Variants in FRMPD4 observed in about 807,000 individuals in gnomAD.
FRMPD4 encodes the protein FERM and PDZ domain containing 4, also known as FERM and PDZ domain-containing protein 4.
In FRMPD4, 22 loss-of-function variants were observed where a neutral mutation model predicts 94.1. The observed-to-expected ratio is 0.23, with a 90% CI of 0.17 to 0.33. FRMPD4 has a LOEUF of 0.33. FRMPD4 is among the 10% of genes least tolerant of loss of function. The pLI, the probability that FRMPD4 is intolerant of heterozygous loss-of-function variation, is 1.00. For synonymous variants in FRMPD4, 631 were observed against 548.6 expected, an observed-to-expected ratio of 1.15 and a Z score of -2.10; for missense variants, 1,111 against 1,339.9, an observed-to-expected ratio of 0.83 and a Z score of 2.67.
At position 12,722,780 on chromosome X, in the gene FRMPD4, A is replaced by T. The variant is rs182141680; in HGVS notation, c.*922A>T. The T allele has an allele frequency of 8.9e-6, 1 of 112,101 alleles. No individual in the cohort carries two copies. Among genetic ancestry groups the T allele is most frequent in the East Asian group, 2.8e-4 (1 of 3,591 alleles). 9.2% of individuals were successfully genotyped at this position (112,101 alleles called of 1,213,427 possible). On this transcript the variant is annotated 3_prime_UTR_variant, in exon 17 of 17. Transcript: ENST00000675598. ...AAAATTCCCTTTAGAGTGATAGGAC[A>T]TTTAGTAAAGTATTTGCAAACTTAA...
At chrX:12,084,719 A>G (rs2055093057) in intron 3 of FRMPD4, among the ~76,000 whole-genome samples, 2 of 112,383 alleles carry the variant, frequency 1.8e-5, no homozygotes, top group Admixed American at 9.4e-5. Flanking sequence ...GCATCTTCTT[A>G]CATAGGAAAA....
chrX:12,532,836 G>T (rs920045475), intron 2 of FRMPD4, among the ~76,000 whole-genome samples: 1 of 111,809 alleles, frequency 8.9e-6, no homozygotes, highest in African/African-American at 3.3e-5. Flanking sequence ...GCAGTACACA[G>T]GACAGCTTTT....
chrX:11,997,417 CACTT>C (rs2054502312), intron 3 of FRMPD4, among the ~76,000 whole-genome samples: 1 of 111,876 alleles, frequency 8.9e-6, no homozygotes, highest in African/African-American at 3.2e-5. Flanking sequence ...AAGTATTAGT[CACTT>C]ACTGCTGTGG....
intron 3 of FRMPD4, among the ~76,000 whole-genome samples, chrX:11,929,170 G>A (rs767061610): frequency 4.5e-5 from 5 of 111,792 alleles, no homozygotes; most frequent in Non-Finnish European, 9.4e-5. Context: ...TTAATACCTG[G>A]GTGATGGAAT....
chrX:11,878,021 G>A (rs1374020414), intron 3 of FRMPD4, among the ~76,000 whole-genome samples: 2 of 111,948 alleles, frequency 1.8e-5, no homozygotes, highest in Non-Finnish European at 3.8e-5. Context: ...ATTTGCCAGT[G>A]AGTAATGGTC....
At chrX:11,934,105 A>T (rs192326935) in intron 3 of FRMPD4, among the ~76,000 whole-genome samples, 4 of 112,401 alleles carry the variant, frequency 3.6e-5, no homozygotes, top group Non-Finnish European at 5.6e-5. Context: ...CTCAGTTCAA[A>T]TAATTCCAAG....
intron 3 of FRMPD4, among the ~76,000 whole-genome samples, chrX:12,613,249 T>G (rs1007007890): frequency 2.4e-4 from 27 of 111,970 alleles, no homozygotes; most frequent in Non-Finnish European, 3.2e-4. Context: ...TAAATATAGA[T>G]GTATGCTTCA....
rs1325953280 is a variant in FRMPD4 at position 12,659,526 on chromosome X, T to C, written c.423-15337T>C. On this transcript the variant is annotated intron_variant, in intron 4 of 16. Coordinates refer to ENST00000675598, the MANE Select transcript of FRMPD4 (RefSeq NM_001368397.1). ...GTGTTGTAGGATGTTTTGCAGCAACTATGGGTTCTACCCATTAGCACTTCT... is the reference window on the plus strand; with the variant it reads ...GTGTTGTAGGATGTTTTGCAGCAACCATGGGTTCTACCCATTAGCACTTCT... Among the ~76,000 whole-genome samples the C allele has an allele frequency of 2.7e-5, 3 of 112,565 alleles. No individual in the cohort carries two copies. The Admixed American group carries it at 2.8e-4, about 11-fold the overall frequency.
chrX:11,969,083 G>T (rs1416863326), intron 3 of FRMPD4, among the ~76,000 whole-genome samples: 1 of 112,493 alleles, frequency 8.9e-6, no homozygotes, highest in Non-Finnish European at 1.9e-5. Flanking sequence ...GGCCATGATT[G>T]GGTACGAGGG....
chrX:12,086,085 GTGTA>G lies in FRMPD4; in HGVS notation c.95+208071_95+208074del, dbSNP rs745615196. Among the ~76,000 whole-genome samples the G allele has an allele frequency of 6.9e-3, 343 of 49,370 alleles. 1 individual carries two copies. Among genetic ancestry groups the G allele is most frequent in the Non-Finnish European group, 7.8e-3 (161 of 20,548 alleles). 42.9% of individuals were successfully genotyped at this position (49,370 alleles called of 115,157 possible). ...TCTGCCTGTGTCTGTGTGCGTGTGT[GTGTA>G]TGTGTGTGTGTGTGTGTGTGTGTGA... On this transcript the variant is annotated intron_variant, in intron 3 of 18. Coordinates refer to the FRMPD4 transcript ENST00000640291.
intron 1 of FRMPD4, among the ~76,000 whole-genome samples, chrX:12,281,310 A>C (rs933121734): frequency 1.2e-4 from 14 of 112,035 alleles, no homozygotes; most frequent in African/African-American, 4.5e-4. Flanking sequence ...CATAATCACC[A>C]TAAGTTATAT....
At chrX:12,675,849 C>G (rs1338314801) in intron 5 of FRMPD4, among the ~76,000 whole-genome samples, 12 of 111,200 alleles carry the variant, frequency 1.1e-4, no homozygotes, top group Non-Finnish European at 2.1e-4. Flanking sequence ...AATTAAAGTG[C>G]TCTGGTATTT....
intron 1 of FRMPD4, among the ~76,000 whole-genome samples, chrX:12,431,471 A>G (rs1324488868): frequency 1.8e-5 from 2 of 112,346 alleles, no homozygotes; most frequent in Admixed American, 1.9e-4. Context: ...TACTTAACAC[A>G]TATCTCATAA....
chrX:12,389,465 A>G (rs1391303385), intron 1 of FRMPD4, among the ~76,000 whole-genome samples: 2 of 97,796 alleles, frequency 2.0e-5, no homozygotes, highest in Admixed American at 1.1e-4. Flanking sequence ...ACAGAAAGAG[A>G]TCCATCTCAA....
At chrX:12,584,366 T>C (rs2058901299) in intron 2 of FRMPD4, among the ~76,000 whole-genome samples, 1 of 111,942 alleles carries the variant, frequency 8.9e-6, no homozygotes, top group African/African-American at 3.3e-5. Flanking sequence ...CCCTCAGCTG[T>C]CCATTATTGA....
At chrX:11,974,964 C>A (rs1385310198) in intron 3 of FRMPD4, among the ~76,000 whole-genome samples, 1 of 111,548 alleles carries the variant, frequency 9.0e-6, no homozygotes, top group Non-Finnish European at 1.9e-5. Flanking sequence ...TATGCTAGGG[C>A]TGAGGAGCAA....
chrX:12,136,936 C>CACACACAA (rs3221615), upstream of FRMPD4, among the ~76,000 whole-genome samples: 1 of 109,237 alleles, frequency 9.2e-6, no homozygotes, highest in Non-Finnish European at 1.9e-5. Flanking sequence ...TACACACACA[C>CACACACAA]AAAACATCTT....
intron 1 of FRMPD4, among the ~76,000 whole-genome samples, chrX:12,381,526 A>G (rs1434807778): frequency 9.0e-6 from 1 of 111,670 alleles, no homozygotes; most frequent in Non-Finnish European, 1.9e-5. Flanking sequence ...TTTTTTGGGG[A>G]AGAAATTGTA....
chrX:12,412,412 A>C (rs1346706994), intron 1 of FRMPD4, among the ~76,000 whole-genome samples: 1 of 112,345 alleles, frequency 8.9e-6, no homozygotes, highest in Non-Finnish European at 1.9e-5. Context: ...CTTGGTAGCC[A>C]ATGAGGAATT....
Sources: allele counts gnomAD v4.1 joint callset (sites outside exome capture counted in the v4.1 genomes callset), GRCh38; gene constraint gnomAD v4.1.1; transcripts MANE v1.5; gene names NCBI Gene and HGNC (gene_info 2026-07-23, HGNC 2026-07-21).